COPG2: variants seen among roughly 807,000 people sequenced by gnomAD.
The protein encoded by COPG2 is coat protein complex I subunit gamma 2.
Under a neutral mutation model 46.3 loss-of-function variants are expected in COPG2, and 37 were observed. That is an observed-to-expected ratio of 0.80 (90% CI 0.61 to 1.05). COPG2 has a LOEUF of 1.05. Among genes scored for constraint, COPG2 ranks in the 50% least tolerant of loss-of-function variants. The pLI, the probability that COPG2 is intolerant of heterozygous loss-of-function variation, is 0.00. For synonymous variants in COPG2, 159 were observed against 129.7 expected (o/e 1.23, Z -1.53); for missense variants, 427 against 387.8 (o/e 1.10, Z -0.85).
chr7:130,558,055 G>T (rs1793660612), intron 12 of COPG2, among the ~76,000 whole-genome samples: 1 of 151,912 alleles, frequency 6.6e-6, no homozygotes, highest in Non-Finnish European at 1.5e-5. Flanking sequence ...ATATGATAAA[G>T]ATGATGTCTG....
Position 130,532,055 on chromosome 7 carries a change from G to A in COPG2, c.2149+15619C>T, listed in dbSNP as rs1361385615. Among the ~76,000 whole-genome samples the A allele has an allele frequency of 2.6e-5, 4 of 152,306 alleles. No homozygotes were observed. The South Asian group carries it at 8.3e-4, about 32-fold the overall frequency. On this transcript the variant is annotated intron_variant, in intron 20 of 23. Transcript: ENST00000425248. ...CCTGCATCCTCGGGTGAGAATCACT[G>A]GTGGACACGGGAGGATGGAGAGCCG...
chr7:130,664,361 A>G (rs1292013301), intron 3 of COPG2, among the ~76,000 whole-genome samples: 1 of 152,228 alleles, frequency 6.6e-6, no homozygotes, highest in African/African-American at 2.4e-5. Flanking sequence ...ACTTACTTAA[A>G]TCAGTGTATC....
At chr7:130,616,080 T>C (rs1554452803) in intron 6 of COPG2, among the ~76,000 whole-genome samples, 1 of 152,224 alleles carries the variant, frequency 6.6e-6, no homozygotes, top group East Asian at 1.9e-4. Flanking sequence ...TTTTTCTGGC[T>C]CTAGGATAAG....
intron 15 of COPG2, among the ~76,000 whole-genome samples, chr7:130,552,108 CAT>C (rs1200278120): frequency 2.0e-5 from 3 of 152,078 alleles, no homozygotes; most frequent in African/African-American, 7.2e-5. Flanking sequence ...GTGATGGAAA[CAT>C]GTAGGCTATT....
chr7:130,510,837 G>A (rs910267513), intron 20 of COPG2: 3 of 494,440 alleles, frequency 6.1e-6, no homozygotes, highest in African/African-American at 5.9e-5. Flanking sequence ...AATGGGGCGA[G>A]GAGGCAAGAT....
chr7:130,628,520 C>T (rs1730433277), intron 5 of COPG2, among the ~76,000 whole-genome samples: 1 of 152,064 alleles, frequency 6.6e-6, no homozygotes, highest in Non-Finnish European at 1.5e-5. Context: ...TTTATATATG[C>T]TTTAAACACA....
At chr7:130,557,830 AAAAAAAAAT>A (rs1182659613) in intron 12 of COPG2, among the ~76,000 whole-genome samples, 8 of 147,884 alleles carry the variant, frequency 5.4e-5, no homozygotes, top group Non-Finnish European at 9.0e-5. Context: ...AAAAAAAAAA[AAAAAAAAAT>A]CATGCAAGAA....
intron 9 of COPG2, chr7:130,607,537 C>T (rs371358983): frequency 2.3e-5 from 10 of 426,848 alleles, no homozygotes; most frequent in East Asian, 2.0e-4. Context: ...TTTATTTCCT[C>T]CATAGTGAGT....
chr7:130,604,895 C>T (rs538288192), intron 9 of COPG2, among the ~76,000 whole-genome samples: 2 of 152,178 alleles, frequency 1.3e-5, no homozygotes, highest in South Asian at 2.1e-4. Context: ...TTTTATCAAC[C>T]GCTTTTTTCT....
chr7:130,509,961 G>C (rs1476553198), intron 20 of COPG2: 3 of 471,508 alleles, frequency 6.4e-6, no homozygotes, highest in African/African-American at 5.9e-5. Context: ...AAAGGAAAGA[G>C]GCCAGAAAGT....
At chr7:130,652,796 A>T (rs782264614) in intron 5 of COPG2, 73 bp downstream of exon 5, 3 of 956,734 alleles carry the variant, frequency 3.1e-6, no homozygotes, top group Non-Finnish European at 4.9e-6. Context: ...TCTTATGGTC[A>T]AAAAATGAAA....
chr7:130,507,513 C>G, intron 22 of COPG2, 141 bp from the exon 23 acceptor site: 1 of 679,880 alleles, frequency 1.5e-6, no homozygotes, highest in Non-Finnish European at 2.7e-6. Flanking sequence ...GAGGCTACTA[C>G]TGGACTAGAA....
At chr7:130,506,969 A>ATATT (rs1303312434) in intron 23 of COPG2, among the ~76,000 whole-genome samples, 163 bp from the exon 24 acceptor site, 1 of 152,222 alleles carries the variant, frequency 6.6e-6, no homozygotes, top group Non-Finnish European at 1.5e-5. Flanking sequence ...CCAAATATAT[A>ATATT]TATTTTTATA....
intron 20 of COPG2, among the ~76,000 whole-genome samples, chr7:130,513,311 ATATATATAT>A (rs1799634158): frequency 1.7e-4 from 7 of 42,214 alleles, no homozygotes; most frequent in African/African-American, 3.0e-4. Flanking sequence ...AAAAAAAAAT[ATATATATAT>A]ATATATATAT....
chr7:130,653,065 C>T (rs541278466), intron 4 of COPG2, 117 bp from the exon 5 acceptor site: 19 of 629,360 alleles, frequency 3.0e-5, no homozygotes, highest in African/African-American at 1.6e-4. Flanking sequence ...TTAAAAGAGT[C>T]TCATCTACCA....
chr7:130,519,240 G>T (rs990186383), intron 20 of COPG2, among the ~76,000 whole-genome samples: 4 of 152,250 alleles, frequency 2.6e-5, no homozygotes, highest in Non-Finnish European at 4.4e-5. Flanking sequence ...GGGAGAAAAG[G>T]GGGGAGTGAG....
intron 20 of COPG2, among the ~76,000 whole-genome samples, chr7:130,532,549 A>G (rs897100972): frequency 3.6e-4 from 54 of 151,964 alleles, no homozygotes; most frequent in Non-Finnish European, 4.3e-4. Flanking sequence ...GACTGGGTGC[A>G]TTTGTGTGGA....
intron 20 of COPG2, among the ~76,000 whole-genome samples, chr7:130,541,057 C>T (rs1392997004): frequency 2.0e-5 from 3 of 152,128 alleles, no homozygotes; most frequent in East Asian, 1.9e-4. Flanking sequence ...CGGGCAGACA[C>T]GTGGAGTGTG....
chr7:130,570,874 T>C (rs782668917), intron 9 of COPG2, among the ~76,000 whole-genome samples: 6 of 152,168 alleles, frequency 3.9e-5, no homozygotes, highest in South Asian at 2.1e-4. Context: ...TGTAACAGAA[T>C]AGAGAACCCA....
Sources: gnomAD v4.1 joint callset for allele counts (sites outside exome capture counted in the v4.1 genomes callset) on GRCh38, gnomAD v4.1.1 for gene constraint, MANE v1.5 for transcripts, NCBI Gene and HGNC (gene_info 2026-07-23, HGNC 2026-07-21) for gene names.